The following GREB1L variants were observed in gnomAD, a reference collection of about 807,000 sequenced individuals.
GREB1L encodes GREB1 like retinoic acid receptor coactivator.
Under a neutral mutation model 200.8 loss-of-function variants are expected in GREB1L, and 17 were observed. The ratio of observed to expected loss-of-function variants is 0.08; its 90% CI spans 0.06 to 0.13. The LOEUF (loss-of-function observed/expected upper bound fraction) is 0.13. Among genes scored for constraint, GREB1L ranks in the 10% least tolerant of loss-of-function variants. The pLI is 1.00. For missense variants in GREB1L, 1,657 were observed against 2,367.7 expected, an observed-to-expected ratio of 0.70 and a Z score of 6.23; for synonymous variants, 789 against 893.0, an observed-to-expected ratio of 0.88 and a Z score of 2.08.
At chr18:21,331,345 A>G (rs1252776776) in intron 1 of GREB1L, among the ~76,000 whole-genome samples, 9 of 152,218 alleles carry the variant, frequency 5.9e-5, no homozygotes, top group African/African-American at 2.2e-4. Context: ...GATAAAGACA[A>G]TCTTCTGTCT....
intron 1 of GREB1L, among the ~76,000 whole-genome samples, chr18:21,322,260 G>A (rs2038962318): frequency 6.6e-6 from 1 of 152,108 alleles, no homozygotes. Flanking sequence ...AAAAAAGCTG[G>A]TATTAAATTT....
chr18:21,389,237 CT>C (rs1363844095), intron 4 of GREB1L, among the ~76,000 whole-genome samples: 2 of 151,518 alleles, frequency 1.3e-5, no homozygotes, highest in Non-Finnish European at 2.9e-5. Context: ...TAATCCAATA[CT>C]AATTTATTTT....
intron 2 of GREB1L, 34 bp from the exon 3 acceptor site, chr18:21,383,476 T>C (rs1302920985): frequency 1.5e-5 from 21 of 1,448,030 alleles, no homozygotes; most frequent in Non-Finnish European, 1.9e-5. Context: ...TTATATCAAT[T>C]TTATCCTTTC....
At chr18:21,262,850 A>G (rs1315824806) in intron 1 of GREB1L, among the ~76,000 whole-genome samples, 1 of 152,206 alleles carries the variant, frequency 6.6e-6, no homozygotes, top group African/African-American at 2.4e-5. Flanking sequence ...ACAAGTTAGT[A>G]TGAATATTTT....
chr18:21,285,837 TA>T (rs2038346001), intron 1 of GREB1L, among the ~76,000 whole-genome samples: 1 of 152,134 alleles, frequency 6.6e-6, no homozygotes, highest in African/African-American at 2.4e-5. Flanking sequence ...TGTATGTAAA[TA>T]GGTGACTATA....
chr18:21,371,535 C>A (rs1347677919), intron 2 of GREB1L, among the ~76,000 whole-genome samples: 1 of 150,666 alleles, frequency 6.6e-6, no homozygotes, highest in East Asian at 1.9e-4. Flanking sequence ...TGCCTGTAAT[C>A]CCAGCACTTT....
In GREB1L at chr18:21,367,875, C is replaced by G. The variant is rs76758585; in HGVS notation, c.-10+1739C>G. Among the ~76,000 whole-genome samples the G allele has an allele frequency of 5.5e-4, 84 of 152,292 alleles. No individual in the cohort carries two copies. In the East Asian group the frequency reaches 0.015, roughly 27 times the overall value. On this transcript the variant is annotated intron_variant, in intron 2 of 32. Coordinates refer to ENST00000424526, the MANE Select transcript of GREB1L (RefSeq NM_001142966.3). The stretch of plus-strand genomic sequence containing the variant: ...AAAATCTGCATATTGTAAAAGCTCT[C>G]TTTACCACAACCCATGACCTCAAGA...
intron 7 of GREB1L, chr18:21,435,074 A>C (rs1231485439): frequency 6.6e-6 from 1 of 152,666 alleles, no homozygotes; most frequent in Non-Finnish European, 1.5e-5. Flanking sequence ...CTTTTGCTGC[A>C]GGTGATGTTT....
intron 1 of GREB1L, among the ~76,000 whole-genome samples, chr18:21,285,980 T>TG (rs2038349187): frequency 6.6e-6 from 1 of 152,242 alleles, no homozygotes; most frequent in South Asian, 2.1e-4. Context: ...GCTTCTCAAA[T>TG]GGTCTGTGAT....
At chr18:21,294,629 A>G (rs971019289) in intron 1 of GREB1L, among the ~76,000 whole-genome samples, 2 of 150,652 alleles carry the variant, frequency 1.3e-5, no homozygotes, top group Admixed American at 1.3e-4. Context: ...ATAATATAAT[A>G]GTTATATATA....
rs142219466 is a variant in GREB1L, at chr18:21,346,035, G to A, written c.-119-19992G>A. On this transcript the variant is annotated intron_variant, in intron 1 of 32. Coordinates refer to ENST00000424526, the MANE Select transcript of GREB1L (RefSeq NM_001142966.3). ...TATCTGCCAGTCCTGACACAAAGAA[G>A]GCACTCAGTAAATACTCGTTGAATG... 1.7e-3 allele frequency among the ~76,000 whole-genome samples: 259 copies of A among 152,234 alleles called. 2 individuals are homozygous for A. In the East Asian group the frequency reaches 0.034, roughly 20 times the overall value.
chr18:21,378,156 C>T (rs1444080522), intron 2 of GREB1L, among the ~76,000 whole-genome samples: 2 of 152,130 alleles, frequency 1.3e-5, no homozygotes, highest in African/African-American at 4.8e-5. Flanking sequence ...GGCATGGGGG[C>T]TCTTTGAGAT....
chr18:21,439,319 G>C (rs1302849633), intron 7 of GREB1L, among the ~76,000 whole-genome samples: 1 of 152,162 alleles, frequency 6.6e-6, no homozygotes, highest in Non-Finnish European at 1.5e-5. Flanking sequence ...GGGGTCCTAG[G>C]AAATTGTTTC....
At position 21,403,955 on chromosome 18, in the gene GREB1L, G is replaced by T. The variant is rs1480296285; in HGVS notation, c.793G>T (p.Gly265Trp). ...GTCGTCAACTGTGACCCCAGAAAAT[G>T]GGACAACTAATGGATACAAATCAGG... Reference protein sequence around the residue: ...SVSSTVTPENGTTNGYKSGFT... With the variant: ...SVSSTVTPENWTTNGYKSGFT... The change falls in exon 7 of 33, where the codon GGG becomes TGG. Residue 265 changes from glycine (G) to tryptophan (W), a missense_variant. By Grantham distance (184) the Gly-to-Trp change is radical (BLOSUM62 -2). Transcript: ENST00000424526. The T allele has an allele frequency of 5.8e-6, 9 of 1,551,292 alleles. No individual in the cohort carries two copies. The highest frequency in any genetic ancestry group is 7.9e-6 in the Non-Finnish European group (9 of 1,146,398).
intron 2 of GREB1L, among the ~76,000 whole-genome samples, chr18:21,368,986 A>G (rs531411283): frequency 2.0e-5 from 3 of 152,334 alleles, no homozygotes; most frequent in Admixed American, 1.3e-4. Flanking sequence ...AAATGGGGCT[A>G]GGTAAATAAG....
chr18:21,406,058 T>TAAAAAAAA (rs34222462), intron 7 of GREB1L, among the ~76,000 whole-genome samples: 2 of 124,896 alleles, frequency 1.6e-5, no homozygotes, highest in Non-Finnish European at 1.7e-5. Context: ...AGACCCTGTC[T>TAAAAAAAA]AAAAAAAAAA....
intron 16 of GREB1L, among the ~76,000 whole-genome samples, chr18:21,476,326 C>T (rs2156556): frequency 0.033 from 4,987 of 152,000 alleles, 142 homozygotes; most frequent in Middle Eastern, 0.048. Context: ...AATCTGAAAC[C>T]TAGAGCCATA....
intron 1 of GREB1L, among the ~76,000 whole-genome samples, chr18:21,252,278 C>G (rs1451217430): frequency 6.6e-6 from 1 of 152,008 alleles, no homozygotes; most frequent in African/African-American, 2.4e-5. Flanking sequence ...TTATATTAGT[C>G]CGGGTGCAGT....
intron 1 of GREB1L, among the ~76,000 whole-genome samples, chr18:21,280,861 A>G (rs2038257506): frequency 6.6e-6 from 1 of 152,198 alleles, no homozygotes; most frequent in Non-Finnish European, 1.5e-5. Flanking sequence ...GCCTACTGTC[A>G]GTATGTTAAG....
Sources: gnomAD v4.1 joint callset for allele counts (sites outside exome capture counted in the v4.1 genomes callset) on GRCh38, gnomAD v4.1.1 for gene constraint, MANE v1.5 for transcripts, NCBI Gene and HGNC (gene_info 2026-07-23, HGNC 2026-07-21) for gene names.